MSH3: variants seen among roughly 807,000 people sequenced by gnomAD.
MSH3 encodes mutS homolog 3, also known as DNA mismatch repair protein Msh3.
Under a neutral mutation model 123.3 loss-of-function variants are expected in MSH3, and 106 were observed. That is an observed-to-expected ratio of 0.86 (90% CI 0.73 to 1.01). The LOEUF (loss-of-function observed/expected upper bound fraction) is 1.01. Ranked by LOEUF, MSH3 falls within the 50% of genes least tolerant of loss-of-function variation. MSH3 has a pLI of 0.00. For synonymous variants in MSH3, 515 were observed against 481.4 expected (o/e 1.07, Z -0.91); for missense variants, 1,459 against 1,347.6 (o/e 1.08, Z -1.29).
chr5:80,807,250 A>G (rs1744908269), intron 19 of MSH3, among the ~76,000 whole-genome samples: 1 of 151,996 alleles, frequency 6.6e-6, no homozygotes, highest in Admixed American at 6.6e-5. Context: ...GAAATGACAT[A>G]TAATGAAACC....
intron 6 of MSH3, among the ~76,000 whole-genome samples, chr5:80,673,516 T>G (rs1261399645): frequency 6.6e-6 from 1 of 151,880 alleles, no homozygotes; most frequent in Non-Finnish European, 1.5e-5. Context: ...GTGACAGGAG[T>G]GAGACCCTGT....
Position 80,743,572 on chromosome 5 carries a change from C to T in MSH3, c.1654-934C>T, listed in dbSNP as rs1255647522. On this transcript the variant is annotated intron_variant, in intron 11 of 23. Transcript: ENST00000265081. ...AGGATTAAAAAAACCCGGCCGGGCG[C>T]GGTGGCTCACGCCTGTAATCCCAGC... 2.2e-4 allele frequency among the ~76,000 whole-genome samples: 2 copies of T among 9,022 alleles called. 1 individual carries two copies. The highest frequency in any genetic ancestry group is 4.3e-4 in the Non-Finnish European group (2 of 4,672). The allele number at this position is 9,022 out of a possible 152,430, so 5.9% of individuals were successfully genotyped here.
At position 80,768,841 on chromosome 5, in the gene MSH3, G is replaced by A. The variant is rs2112885093; in HGVS notation, c.2091G>A (p.Gly697=). The change falls in exon 15 of 24, where the codon GGG becomes GGA. Residue 697 remains glycine, a synonymous_variant. Transcript: ENST00000265081. ...GCATGTTTTGATTTTTTAGAGTTGG[G>A]GATAAAACTGAATTATTTAAAGACC... ...KILNEQAAKV[G]DKTELFKDLS... is the part of the protein sequence containing the mutation. 1 of 1,604,876 alleles carries A rather than the reference G, an allele frequency of 6.2e-7. No individual in the cohort carries two copies. Among genetic ancestry groups the A allele is most frequent in the Non-Finnish European group, 8.5e-7 (1 of 1,172,940 alleles).
chr5:80,773,326 A>G (rs1036340439), intron 15 of MSH3, among the ~76,000 whole-genome samples: 4 of 152,162 alleles, frequency 2.6e-5, no homozygotes, highest in African/African-American at 9.6e-5. Context: ...TATCTTTCCC[A>G]TTAGTGATAT....
At chr5:80,814,603 AAATC>A (rs1429125243) in intron 20 of MSH3, among the ~76,000 whole-genome samples, 2 of 152,214 alleles carry the variant, frequency 1.3e-5, no homozygotes, top group African/African-American at 4.8e-5. Flanking sequence ...CTTTTGTAGA[AAATC>A]AATATTTAAG....
At chr5:80,767,834 A>T in intron 13 of MSH3, 99 bp from the exon 14 acceptor site, 3 of 910,332 alleles carry the variant, frequency 3.3e-6, no homozygotes, top group Non-Finnish European at 5.2e-6. Context: ...TAGAAAATTT[A>T]AACTTTCCTC....
intron 22 of MSH3, among the ~76,000 whole-genome samples, chr5:80,869,914 C>T (rs2112124810): frequency 6.6e-6 from 1 of 150,436 alleles, no homozygotes; most frequent in Non-Finnish European, 1.5e-5. Flanking sequence ...TGGCTCACGC[C>T]TGTAATCTCA....
chr5:80,822,432 GT>G lies in MSH3; in HGVS notation c.2813+8699del, dbSNP rs535474501. On this transcript the variant is annotated intron_variant, in intron 20 of 23. Coordinates refer to ENST00000265081, the MANE Select transcript of MSH3 (RefSeq NM_002439.5). ...CATTGTAGGTACCTAGTAAATTTTA[GT>G]TTTTTTTCTTCCAGATTCTATGCCA... 4.4e-3 allele frequency among the ~76,000 whole-genome samples: 671 copies of G among 152,002 alleles called. 7 individuals carry two copies. Among genetic ancestry groups the G allele is most frequent in the African/African-American group, 0.016 (648 of 41,452 alleles).
intron 10 of MSH3, among the ~76,000 whole-genome samples, chr5:80,739,548 G>A (rs1352584486): frequency 6.6e-6 from 1 of 152,178 alleles, no homozygotes; most frequent in Non-Finnish European, 1.5e-5. Context: ...ATCTATTAAG[G>A]AGGGTAGAGG....
intron 19 of MSH3, among the ~76,000 whole-genome samples, chr5:80,794,601 G>A (rs940546773): frequency 2.6e-5 from 4 of 152,174 alleles, no homozygotes; most frequent in African/African-American, 9.6e-5. Context: ...CAAATGTGCT[G>A]TTTTTCTGGT....
At chr5:80,808,871 A>ATATATATATATATATATATG (rs1472503784) in intron 19 of MSH3, among the ~76,000 whole-genome samples, 26 of 128,230 alleles carry the variant, frequency 2.0e-4, no homozygotes, top group Middle Eastern at 4.1e-3. Context: ...ATATATATAT[A>ATATATATATATATATATATG]TATATATATA....
chr5:80,778,517 C>T (rs1744345932), intron 16 of MSH3, among the ~76,000 whole-genome samples: 1 of 152,212 alleles, frequency 6.6e-6, no homozygotes, highest in Non-Finnish European at 1.5e-5. Flanking sequence ...ATTTGAAATG[C>T]ATTTTAAAAG....
chr5:80,714,833 C>T (rs1011732383), intron 8 of MSH3, among the ~76,000 whole-genome samples: 2 of 152,074 alleles, frequency 1.3e-5, no homozygotes, highest in African/African-American at 4.8e-5. Flanking sequence ...TTGCAGACTT[C>T]TAAAAATCCA....
At chr5:80,823,402 C>T (rs929111050) in intron 20 of MSH3, among the ~76,000 whole-genome samples, 4 of 152,094 alleles carry the variant, frequency 2.6e-5, no homozygotes, top group Admixed American at 1.3e-4. Flanking sequence ...TACTCAGGGA[C>T]GTGGAATTTG....
chr5:80,863,596 G>A lies in MSH3; in HGVS notation c.3001-1217G>A, dbSNP rs141270291. 2.3e-3 allele frequency among the ~76,000 whole-genome samples: 343 copies of A among 151,942 alleles called. 3 individuals are homozygous for A. Among genetic ancestry groups the A allele is most frequent in the African/African-American group, 8.0e-3 (331 of 41,404 alleles). ...TAAGGTAGGAGAATGGCGTAAACCC[G>A]GGAGGCGGAGCTTGCAGTGAGCCAA... On this transcript the variant is annotated intron_variant, in intron 21 of 23. Coordinates refer to ENST00000265081, the MANE Select transcript of MSH3 (RefSeq NM_002439.5).
intron 20 of MSH3, among the ~76,000 whole-genome samples, chr5:80,839,245 A>G (rs914226432): frequency 4.0e-5 from 6 of 151,694 alleles, no homozygotes; most frequent in African/African-American, 1.2e-4. Context: ...GCGTGCACCT[A>G]TAGTCCCAGC....
At chr5:80,873,383 CT>C in intron 23 of MSH3, 96 bp downstream of exon 23, 1 of 1,202,388 alleles carries the variant, frequency 8.3e-7, no homozygotes, top group Non-Finnish European at 1.2e-6. Flanking sequence ...ATCAGGTCTA[CT>C]TTTAAGCACC....
At chr5:80,708,226 A>G (rs1750764150) in intron 8 of MSH3, among the ~76,000 whole-genome samples, 1 of 152,186 alleles carries the variant, frequency 6.6e-6, no homozygotes, top group Non-Finnish European at 1.5e-5. Context: ...CTCCAACATC[A>G]TGAACATTTT....
chr5:80,669,059 C>T (rs771911000), intron 3 of MSH3, among the ~76,000 whole-genome samples: 92 of 152,354 alleles, frequency 6.0e-4, no homozygotes, highest in Non-Finnish European at 1.1e-3. Context: ...CTCTCCATGC[C>T]TCACCGTCTT....
Sources: gnomAD v4.1 joint callset for allele counts (sites outside exome capture counted in the v4.1 genomes callset) on GRCh38, gnomAD v4.1.1 for gene constraint, MANE v1.5 for transcripts, NCBI Gene and HGNC (gene_info 2026-07-23, HGNC 2026-07-21) for gene names.